INTU: variants seen among roughly 807,000 people sequenced by gnomAD.
INTU encodes protein inturned.
A neutral mutation model predicts 100.5 loss-of-function variants in INTU; 68 were observed. That is an observed-to-expected ratio of 0.68 (90% CI 0.56 to 0.83). INTU has a LOEUF of 0.83. INTU is among the 40% of genes least tolerant of loss of function. The pLI is 0.00. For synonymous variants in INTU, 357 were observed against 395.7 expected, an observed-to-expected ratio of 0.90 and a Z score of 1.16; for missense variants, 1,071 against 1,114.7, an observed-to-expected ratio of 0.96 and a Z score of 0.56.
In INTU at chr4:127,687,649, G is replaced by A. The variant is rs191125377; in HGVS notation, c.1260-29G>A. The A allele has an allele frequency of 1.7e-4, 272 of 1,573,400 alleles. 2 individuals carry two copies. Among genetic ancestry groups the A allele is most frequent in the Admixed American group, 3.6e-4 (21 of 58,778 alleles). ...AAAATGACCACCATTTCCATATGTC[G>A]TTCTAACTTACAGCTCTTATTTCTC... On this transcript the variant is annotated intron_variant, in intron 7 of 15. Coordinates refer to ENST00000335251, the MANE Select transcript of INTU (RefSeq NM_015693.4).
chr4:127,694,752 A>G (rs1346111379), intron 8 of INTU, among the ~76,000 whole-genome samples: 1 of 152,146 alleles, frequency 6.6e-6, no homozygotes, highest in African/African-American at 2.4e-5. Flanking sequence ...TTCTAGCACC[A>G]TTTGTTGAAA....
chr4:127,649,708 C>G (rs556344216), intron 2 of INTU, among the ~76,000 whole-genome samples: 1 of 152,218 alleles, frequency 6.6e-6, no homozygotes, highest in Admixed American at 6.5e-5. Context: ...TATCCATCTT[C>G]CCCAAAGAAT....
intron 5 of INTU, among the ~76,000 whole-genome samples, chr4:127,671,701 G>A (rs1728935137): frequency 6.6e-6 from 1 of 151,806 alleles, no homozygotes; most frequent in African/African-American, 2.4e-5. Flanking sequence ...CAAAGATAAT[G>A]GAATCAATCT....
At chr4:127,673,056 A>G (rs866008941) in intron 5 of INTU, among the ~76,000 whole-genome samples, 2 of 152,242 alleles carry the variant, frequency 1.3e-5, no homozygotes, top group South Asian at 2.1e-4. Flanking sequence ...ACTTGTTTAT[A>G]TATTTGTGTC....
chr4:127,659,726 A>G (rs1560841052), intron 3 of INTU, among the ~76,000 whole-genome samples: 3 of 152,172 alleles, frequency 2.0e-5, no homozygotes, highest in Admixed American at 1.3e-4. Flanking sequence ...GTACTGGGCC[A>G]TAGCTGGCTT....
In INTU at chr4:127,717,782, T is replaced by A. The variant is rs999799931; in HGVS notation, c.*1346T>A. Reference sequence around the variant, plus strand: ...TTCATATGTTTGTTGGCTGCATGAATGTCTTCTTTTGAGAAGTGTCTGTTC... The same window carrying A: ...TTCATATGTTTGTTGGCTGCATGAAAGTCTTCTTTTGAGAAGTGTCTGTTC... On this transcript the variant is annotated 3_prime_UTR_variant, in exon 16 of 16. Transcript: ENST00000335251. The A allele has an allele frequency of 3.9e-5, 6 of 152,236 alleles. No individual in the cohort carries two copies. The highest frequency in any genetic ancestry group is 1.4e-4 in the African/African-American group (6 of 41,466). The allele number at this position is 152,236 out of a possible 1,614,324, so 9.4% of individuals were successfully genotyped here.
At chr4:127,697,516 G>A (rs1158857259) in intron 8 of INTU, among the ~76,000 whole-genome samples, 1 of 151,866 alleles carries the variant, frequency 6.6e-6, no homozygotes, top group African/African-American at 2.4e-5. Context: ...CTCCTTCTGT[G>A]ATATCAGCTT....
Position 127,656,692 on chromosome 4 carries a change from G to C in INTU, c.739G>C (p.Val247Leu). 6.2e-7 allele frequency: 1 copy of C among 1,610,534 alleles called. No individual in the cohort carries two copies. Among genetic ancestry groups the C allele is most frequent in the South Asian group, 1.1e-5 (1 of 90,684 alleles). Residue 247 changes from valine to leucine, a missense_variant, in exon 3 of 16, where the codon GTT becomes CTT. Transcript: ENST00000335251. ...TGTTACTACTGAAAACATCGAGAGAGTTCTGTCTTGCATTCCTGGACCTAT... is the reference window on the plus strand; with the variant it reads ...TGTTACTACTGAAAACATCGAGAGACTTCTGTCTTGCATTCCTGGACCTAT... ...VDVTTENIER[V>L]LSCIPGPMQV...
rs1159004455 is a variant in INTU, at chr4:127,632,988, G to A, written c.-47G>A. On this transcript the variant is annotated 5_prime_UTR_variant, in exon 1 of 16. Coordinates refer to ENST00000335251, the MANE Select transcript of INTU (RefSeq NM_015693.4). ...AACATGGCGGCCTTAGCAAGCTATA[G>A]CTGCGAGATTTGAATTACTCCACTC... 4.4e-6 allele frequency: 7 copies of A among 1,580,314 alleles called. No homozygotes were observed. Among genetic ancestry groups the A allele is most frequent in the Admixed American group, 3.4e-5 (2 of 58,950 alleles).
At chr4:127,705,905 G>C in intron 11 of INTU, 93 bp downstream of exon 11, 1 of 856,090 alleles carries the variant, frequency 1.2e-6, no homozygotes, top group Non-Finnish European at 1.9e-6. Context: ...CGGTAGGTAG[G>C]TATCTATTGA....
intron 9 of INTU, among the ~76,000 whole-genome samples, chr4:127,703,313 TATAAAA>T (rs1218841131): frequency 6.6e-6 from 1 of 152,148 alleles, no homozygotes; most frequent in African/African-American, 2.4e-5. Context: ...AAAAAAAACT[TATAAAA>T]GTAATAGCTG....
chr4:127,669,134 A>T lies in INTU; in HGVS notation c.1071A>T (p.Val357=). ...CACTCTGTGACATGCTGGAAAACGT[A>T]ACTGGGACACAAGTTACTAGGTAAT... is the stretch of plus-strand genomic sequence containing the variant. ...FLTLCDMLEN[V]TGTQVTSSSL... Residue 357 remains valine, a synonymous_variant, in exon 5 of 16, where the codon GTA becomes GTT. Transcript: ENST00000335251. The T allele has an allele frequency of 6.5e-7, 1 of 1,532,166 alleles. No individual in the cohort carries two copies. Among genetic ancestry groups the T allele is most frequent in the East Asian group, 2.4e-5 (1 of 42,534 alleles). The allele number at this position is 1,532,166 out of a possible 1,614,324, so 94.9% of individuals were successfully genotyped here.
chr4:127,724,981 A>C lies in INTU; in HGVS notation c.*8545A>C, dbSNP rs1450055072. On this transcript the variant is annotated 3_prime_UTR_variant, in exon 16 of 16. Coordinates refer to ENST00000335251, the MANE Select transcript of INTU (RefSeq NM_015693.4). ...TTAGGGTAAAAAACCTTGGTTCTTG[A>C]AATGCTACAGAAAATAGCTTGAGGC... 1.3e-5 allele frequency: 2 copies of C among 151,992 alleles called. No individual in the cohort carries two copies. The highest frequency in any genetic ancestry group is 1.3e-4 in the Admixed American group (2 of 15,258). 9.4% of individuals were successfully genotyped at this position (151,992 alleles called of 1,614,324 possible).
chr4:127,699,371 CTAAG>C (rs1466631979), intron 8 of INTU: 1 of 152,194 alleles, frequency 6.6e-6, no homozygotes, highest in East Asian at 1.9e-4. Flanking sequence ...AACCCAAATC[CTAAG>C]TAAGAGATTT....
intron 8 of INTU, among the ~76,000 whole-genome samples, chr4:127,697,077 G>A (rs1001535193): frequency 7.9e-5 from 12 of 152,146 alleles, no homozygotes; most frequent in Non-Finnish European, 1.5e-4. Context: ...TAAAATTTCA[G>A]CTTGAACAGT....
rs189273899 is a variant in INTU, at chr4:127,705,650, T to G, written c.1626T>G (p.Cys542Trp). The G allele has an allele frequency of 6.8e-6, 11 of 1,614,036 alleles. No individual in the cohort carries two copies. In the Admixed American group the frequency reaches 1.3e-4, roughly 20 times the overall value. The change falls in exon 11 of 16, where the codon TGT becomes TGG. Residue 542 changes from cysteine (C) to tryptophan (W), a missense_variant. Cys to Trp is a radical substitution (Grantham distance 215, BLOSUM62 -2). Transcript: ENST00000335251. ...ATCTTATTGATATTGCCGTATACTG[T>G]CGCCACTATTGCCTGCTGCCTTTAG... ...KDDLIDIAVY[C>W]RHYCLLPLAA...
intron 6 of INTU, among the ~76,000 whole-genome samples, chr4:127,675,544 T>C (rs866967545): frequency 8.5e-5 from 13 of 152,336 alleles, no homozygotes; most frequent in South Asian, 8.3e-4. Flanking sequence ...CAAAGGTGTT[T>C]TCGTGGTTCA....
chr4:127,662,985 TC>T (rs1377195855), intron 3 of INTU, among the ~76,000 whole-genome samples: 3 of 152,314 alleles, frequency 2.0e-5, no homozygotes, highest in Admixed American at 6.5e-5. Context: ...CCTTCTATCT[TC>T]CCAGATAAGC....
chr4:127,664,136 TTA>T (rs1728595621), intron 4 of INTU, among the ~76,000 whole-genome samples: 1 of 152,144 alleles, frequency 6.6e-6, no homozygotes, highest in Non-Finnish European at 1.5e-5. Context: ...TAAATAGTTT[TTA>T]TGTTTTACAT....
Sources: gnomAD v4.1 joint callset for allele counts (sites outside exome capture counted in the v4.1 genomes callset) on GRCh38, gnomAD v4.1.1 for gene constraint, MANE v1.5 for transcripts, NCBI Gene and HGNC (gene_info 2026-07-23, HGNC 2026-07-21) for gene names.